Variants in CAMK4 observed in about 807,000 individuals in gnomAD.
CAMK4 encodes calcium/calmodulin dependent protein kinase IV, also known as calcium/calmodulin-dependent protein kinase type IV.
A neutral mutation model predicts 44.9 loss-of-function variants in CAMK4; 22 were observed. The observed-to-expected ratio is 0.49, with a 90% CI of 0.35 to 0.70. CAMK4 has a LOEUF of 0.70. Among genes scored for constraint, CAMK4 ranks in the 30% least tolerant of loss-of-function variants. CAMK4 has a pLI of 0.01. For missense variants in CAMK4, 498 were observed against 586.8 expected, an observed-to-expected ratio of 0.85 and a Z score of 1.56; for synonymous variants, 218 against 215.4, an observed-to-expected ratio of 1.01 and a Z score of -0.11.
chr5:111,406,052 A>C (rs1241784278), intron 5 of CAMK4, among the ~76,000 whole-genome samples: 1 of 114,026 alleles, frequency 8.8e-6, no homozygotes, highest in Non-Finnish European at 1.8e-5. Context: ...CTTTATTAAC[A>C]CTTAGCATTA....
chr5:111,377,610 G>T (rs1410031006), intron 4 of CAMK4, among the ~76,000 whole-genome samples: 1 of 152,070 alleles, frequency 6.6e-6, no homozygotes, highest in African/African-American at 2.4e-5. Flanking sequence ...TTCTATAGTT[G>T]TTCCATCTTC....
intron 1 of CAMK4, among the ~76,000 whole-genome samples, chr5:111,298,418 TGAGA>T (rs1429651159): frequency 2.0e-5 from 3 of 152,214 alleles, no homozygotes; most frequent in Non-Finnish European, 4.4e-5. Context: ...GTCTACCCAA[TGAGA>T]GAATTCAACT....
chr5:111,379,254 A>G (rs577296042), intron 4 of CAMK4, among the ~76,000 whole-genome samples: 1 of 152,158 alleles, frequency 6.6e-6, no homozygotes, highest in Non-Finnish European at 1.5e-5. Flanking sequence ...TTAATTGGGA[A>G]TCATGGGTTT....
chr5:111,361,928 A>C, intron 2 of CAMK4, among the ~76,000 whole-genome samples: 1 of 152,044 alleles, frequency 6.6e-6, no homozygotes, highest in East Asian at 1.9e-4. Context: ...ACTTTCTCTG[A>C]CTGGGGTGGA....
chr5:111,380,750 T>G (rs1751384066), intron 4 of CAMK4, among the ~76,000 whole-genome samples: 1 of 152,212 alleles, frequency 6.6e-6, no homozygotes. Context: ...CCAAACATTA[T>G]GTGTAAAAGG....
At chr5:111,309,687 A>G (rs1463787322) in intron 1 of CAMK4, among the ~76,000 whole-genome samples, 2 of 152,122 alleles carry the variant, frequency 1.3e-5, no homozygotes, top group African/African-American at 4.8e-5. Flanking sequence ...GGTCCGGATC[A>G]TGGTAAAGTG....
intron 5 of CAMK4, among the ~76,000 whole-genome samples, chr5:111,397,990 G>A (rs1752084508): frequency 6.6e-6 from 1 of 152,104 alleles, no homozygotes; most frequent in Non-Finnish European, 1.5e-5. Flanking sequence ...GTAACAGAAT[G>A]CATATATCAG....
Position 111,246,555 on chromosome 5 carries a change from G to A in CAMK4, c.161+21911G>A, listed in dbSNP as rs1184349771. On this transcript the variant is annotated intron_variant, in intron 1 of 10. Transcript: ENST00000282356. ...TTATTTTAGCTTTGCTCTCCCAGGT[G>A]TGTTGGTTTTGTTTTCATACCAGCT... is the stretch of plus-strand genomic sequence containing the variant. Among the ~76,000 whole-genome samples the A allele has an allele frequency of 2.6e-5, 4 of 152,168 alleles. No individual in the cohort carries two copies. The East Asian group carries it at 5.8e-4, about 22-fold the overall frequency.
At chr5:111,403,273 C>T (rs1345463899) in intron 5 of CAMK4, among the ~76,000 whole-genome samples, 1 of 152,148 alleles carries the variant, frequency 6.6e-6, no homozygotes, top group Non-Finnish European at 1.5e-5. Flanking sequence ...CTATGAATGT[C>T]ATTCCTGCTT....
chr5:111,396,640 T>TTTTTTTTTTA (rs1752022551), intron 5 of CAMK4, among the ~76,000 whole-genome samples: 1 of 115,274 alleles, frequency 8.7e-6, no homozygotes, highest in Non-Finnish European at 1.8e-5. Context: ...TCTTTTTTTT[T>TTTTTTTTTTA]TTTTTTTTTT....
chr5:111,313,656 T>C (rs1748302546), intron 1 of CAMK4, among the ~76,000 whole-genome samples: 1 of 152,178 alleles, frequency 6.6e-6, no homozygotes, highest in African/African-American at 2.4e-5. Context: ...AGAAATAATG[T>C]GTTCAAAGTG....
chr5:111,337,321 T>C (rs1318739058), intron 1 of CAMK4, among the ~76,000 whole-genome samples: 1 of 151,246 alleles, frequency 6.6e-6, no homozygotes, highest in Admixed American at 6.6e-5. Flanking sequence ...ACAATTCAGG[T>C]TCAAGTTTGT....
intron 4 of CAMK4, among the ~76,000 whole-genome samples, chr5:111,381,557 C>A (rs928530911): frequency 6.6e-6 from 1 of 152,110 alleles, no homozygotes; most frequent in Non-Finnish European, 1.5e-5. Context: ...CTGCTTTTAT[C>A]CTAGCCATGC....
chr5:111,473,089 TAATAGTGTTATTTTATGCATCCCAA>T (rs1755118483), intron 7 of CAMK4, among the ~76,000 whole-genome samples, 197 bp from the exon 8 acceptor site: 1 of 137,264 alleles, frequency 7.3e-6, no homozygotes, highest in African/African-American at 2.7e-5. Context: ...ATATTAAAGT[TAATAGTGTTATTTTATGCATCCCAA>T]AACAGATAGA....
At chr5:111,391,306 C>T (rs1178199554) in intron 4 of CAMK4, among the ~76,000 whole-genome samples, 1 of 151,986 alleles carries the variant, frequency 6.6e-6, no homozygotes, top group East Asian at 1.9e-4. Context: ...ACTTAAGAGC[C>T]ATGAAACTAG....
intron 1 of CAMK4, among the ~76,000 whole-genome samples, chr5:111,325,874 A>G (rs1258617459): frequency 6.6e-6 from 1 of 152,116 alleles, no homozygotes; most frequent in Non-Finnish European, 1.5e-5. Context: ...CATGGGATAA[A>G]GAAAATAATT....
chr5:111,323,046 C>T (rs1214888747), intron 1 of CAMK4, among the ~76,000 whole-genome samples: 1 of 151,962 alleles, frequency 6.6e-6, no homozygotes, highest in Non-Finnish European at 1.5e-5. Flanking sequence ...ATATATGTCT[C>T]AGAGGGAGTG....
intron 5 of CAMK4, among the ~76,000 whole-genome samples, chr5:111,431,078 A>G (rs983588450): frequency 4.6e-5 from 7 of 152,210 alleles, no homozygotes; most frequent in African/African-American, 1.7e-4. Context: ...CCTGACTTCA[A>G]ATTATACTAC....
intron 5 of CAMK4, among the ~76,000 whole-genome samples, chr5:111,426,905 A>T (rs1043012509): frequency 3.3e-5 from 5 of 152,188 alleles, no homozygotes; most frequent in Admixed American, 6.5e-5. Flanking sequence ...GCCTCCAGGT[A>T]AACTTGCAAG....
Sources: gnomAD v4.1 joint callset for allele counts (sites outside exome capture counted in the v4.1 genomes callset) on GRCh38, gnomAD v4.1.1 for gene constraint, MANE v1.5 for transcripts, NCBI Gene and HGNC (gene_info 2026-07-23, HGNC 2026-07-21) for gene names.